CPNE9: variants seen among roughly 807,000 people sequenced by gnomAD.
CPNE9 encodes copine family member 9.
A neutral mutation model predicts 83.0 loss-of-function variants in CPNE9; 59 were observed. The observed-to-expected ratio is 0.71, with a 90% CI of 0.58 to 0.88. CPNE9 has a LOEUF of 0.88. Ranked by LOEUF, CPNE9 falls within the 40% of genes least tolerant of loss-of-function variation. CPNE9 has a pLI of 0.00. For missense variants in CPNE9, 619 were observed against 720.8 expected (o/e 0.86, Z 1.62); for synonymous variants, 256 against 273.4 (o/e 0.94, Z 0.63).
Position 9,717,252 on chromosome 3 carries a change from G to A in CPNE9, c.931+148G>A, listed in dbSNP as rs1381474657. 50 of 754,468 alleles carry A rather than the reference G, an allele frequency of 6.6e-5. No homozygotes were observed. The Admixed American group carries it at 9.2e-4, about 14-fold the overall frequency. 46.7% of individuals were successfully genotyped at this position (754,468 alleles called of 1,614,324 possible). A position where few individuals can be genotyped will look rare whatever the true frequency, so the allele number is the denominator to read the frequency against. On this transcript the variant is annotated intron_variant, in intron 15 of 20. Transcript: ENST00000383832. The stretch of plus-strand genomic sequence containing the variant: ...CAAAACCCAGCCAGGAAAATAGAGT[G>A]CAGAAAAATAGATGGGTAGATGGAT...
intron 7 of CPNE9, among the ~76,000 whole-genome samples, chr3:9,710,029 T>C (rs892541008): frequency 1.4e-5 from 2 of 145,670 alleles, no homozygotes; most frequent in African/African-American, 5.1e-5. Context: ...TAACATGAGA[T>C]AAATTATACT....
At chr3:9,724,452 C>G (rs184639848) in intron 17 of CPNE9, among the ~76,000 whole-genome samples, 3 of 152,160 alleles carry the variant, frequency 2.0e-5, no homozygotes, top group Admixed American at 6.5e-5. Flanking sequence ...CCTTTGCTCT[C>G]GCTCATATAT....
In CPNE9 at chr3:9,705,447, T is replaced by C; in HGVS notation, c.261-17T>C. 2.6e-6 allele frequency: 2 copies of C among 758,422 alleles called. No individual in the cohort carries two copies. Among genetic ancestry groups the C allele is most frequent in the Non-Finnish European group, 4.0e-6 (2 of 497,246 alleles). The allele number at this position is 758,422 out of a possible 1,614,324, so 47.0% of individuals were successfully genotyped here. ...CCCACCCAGCCCCACCCCACACCGG[T>C]TCCACTCTTTTCCCAGGTACAACGT... is the stretch of plus-strand genomic sequence containing the variant. On this transcript the variant is annotated splice_polypyrimidine_tract_variant and intron_variant, in intron 4 of 20. Coordinates refer to ENST00000383832, the MANE Select transcript of CPNE9 (RefSeq NM_153635.3).
chr3:9,712,534 C>T lies in CPNE9; in HGVS notation c.378-7C>T. ...TCCTCTCACTAAGAGGCTTTTTCTG[C>T]TTCCAGGGGTGTACCAGGCAAGAAG... is the stretch of plus-strand genomic sequence containing the variant. On this transcript the variant is annotated splice_polypyrimidine_tract_variant and splice_region_variant and intron_variant, in intron 7 of 20. Coordinates refer to ENST00000383832, the MANE Select transcript of CPNE9 (RefSeq NM_153635.3). 1 of 1,613,746 alleles carries T rather than the reference C, an allele frequency of 6.2e-7. No individual in the cohort carries two copies. Among genetic ancestry groups the T allele is most frequent in the Non-Finnish European group, 8.5e-7 (1 of 1,179,626 alleles).
Position 9,704,667 on chromosome 3 carries a change from G to C in CPNE9, c.109+40G>C, listed in dbSNP as rs1293174345. ...GACCGGGAGGGGGAACTTGGGGTCT[G>C]GGCGCGACTCAGGGGCGGGTGGAGT... On this transcript the variant is annotated intron_variant, in intron 2 of 20. Transcript: ENST00000383832. This position sits in a 1 kb window ranked among gnomAD's most constrained non-coding sequence, Gnocchi z 7.1. 2.5e-6 allele frequency: 4 copies of C among 1,612,644 alleles called. No individual in the cohort carries two copies. Among genetic ancestry groups the C allele is most frequent in the Non-Finnish European group, 3.4e-6 (4 of 1,178,736 alleles).
chr3:9,706,779 A>G (rs988797966), intron 7 of CPNE9, among the ~76,000 whole-genome samples: 2 of 152,222 alleles, frequency 1.3e-5, no homozygotes, highest in Non-Finnish European at 2.9e-5. Context: ...ACTTTGGAGC[A>G]ACAACCTGAG....
At chr3:9,707,082 G>T (rs184347526) in intron 7 of CPNE9, among the ~76,000 whole-genome samples, 13 of 152,160 alleles carry the variant, frequency 8.5e-5, no homozygotes, top group South Asian at 2.1e-4. Context: ...GGCCAGGCGC[G>T]GTGGCTCACA....
chr3:9,718,663 C>A, intron 17 of CPNE9, 61 bp downstream of exon 17: 1 of 1,571,414 alleles, frequency 6.4e-7, no homozygotes, highest in Non-Finnish European at 8.7e-7. Flanking sequence ...ATTGACCCCC[C>A]AAGGATAGTC....
At chr3:9,726,591 G>A (rs2076786926) in intron 18 of CPNE9, 74 bp from the exon 19 acceptor site, 3 of 1,168,620 alleles carry the variant, frequency 2.6e-6, no homozygotes, top group Non-Finnish European at 2.6e-6. Context: ...CACATACACA[G>A]AGAACTGTCT....
chr3:9,727,216 C>G (rs761794728), intron 20 of CPNE9, 30 bp downstream of exon 20: 1 of 1,612,426 alleles, frequency 6.2e-7, no homozygotes, highest in Non-Finnish European at 8.5e-7. Flanking sequence ...GGCTGTGGAG[C>G]TGAGAGGCAC....
At chr3:9,709,659 C>T (rs1252452793) in intron 7 of CPNE9, among the ~76,000 whole-genome samples, 2 of 151,928 alleles carry the variant, frequency 1.3e-5, no homozygotes, top group East Asian at 2.0e-4. Context: ...TGAGCTGCCA[C>T]GCCTAGCCAA....
At chr3:9,727,734 C>A (rs1019866287) in intron 20 of CPNE9, among the ~76,000 whole-genome samples, 1 of 152,124 alleles carries the variant, frequency 6.6e-6, no homozygotes, top group Non-Finnish European at 1.5e-5. Context: ...TTGGAAAGCT[C>A]TTGAAGGATT....
At chr3:9,713,232 C>T (rs938593826) in intron 10 of CPNE9, among the ~76,000 whole-genome samples, 153 bp downstream of exon 10, 3 of 152,162 alleles carry the variant, frequency 2.0e-5, no homozygotes, top group African/African-American at 7.2e-5. Context: ...GATGGACAGG[C>T]AGATGGATAG....
intron 17 of CPNE9, among the ~76,000 whole-genome samples, chr3:9,722,513 T>C (rs1201934859): frequency 6.6e-6 from 1 of 151,636 alleles, no homozygotes; most frequent in Non-Finnish European, 1.5e-5. Flanking sequence ...CTTCTACAGT[T>C]CTTTTTTTTT....
chr3:9,709,785 T>A (rs1317206927), intron 7 of CPNE9, among the ~76,000 whole-genome samples: 1 of 148,014 alleles, frequency 6.8e-6, no homozygotes, highest in Admixed American at 6.7e-5. Context: ...AGGTCAGGAG[T>A]TCAAGACCAG....
At chr3:9,726,378 A>G (rs1483675861) in intron 18 of CPNE9, among the ~76,000 whole-genome samples, 3 of 152,156 alleles carry the variant, frequency 2.0e-5, no homozygotes, top group African/African-American at 7.2e-5. Context: ...AATGGACAGT[A>G]AGCATGCTTG....
chr3:9,711,973 T>G (rs1323647030), intron 7 of CPNE9, among the ~76,000 whole-genome samples: 5 of 152,134 alleles, frequency 3.3e-5, no homozygotes, highest in African/African-American at 1.2e-4. Context: ...ACTTACCTAT[T>G]GGCATTGACA....
At chr3:9,708,379 A>G (rs1309484347) in intron 7 of CPNE9, among the ~76,000 whole-genome samples, 1 of 152,244 alleles carries the variant, frequency 6.6e-6, no homozygotes, top group Non-Finnish European at 1.5e-5. Context: ...CACAAATTGG[A>G]CCTAGAAAAG....
Position 9,729,612 on chromosome 3 carries a change from T to C in CPNE9, c.1582T>C (p.Tyr528His). The change falls in exon 21 of 21, where the codon TAT becomes CAT. Residue 528 changes from tyrosine (Y) to histidine (H), a missense_variant. Tyr to His is a moderately conservative substitution (Grantham distance 83, BLOSUM62 2). Around this residue, in one of 3 missense-constraint regions of CPNE9, gnomAD observed 51 missense variants for 40.4 expected, o/e 1.26. Transcript: ENST00000383832. ...LAEIPEQLLS[Y>H]MRTRDIQPRP... is the part of the protein sequence containing the mutation. ...CGAGATCCCGGAGCAGCTGCTGTCC[T>C]ATATGCGCACCAGAGACATCCAGCC... 7 of 1,614,146 alleles carry C rather than the reference T, an allele frequency of 4.3e-6. No homozygotes were observed. Among genetic ancestry groups the C allele is most frequent in the Non-Finnish European group, 4.2e-6 (5 of 1,180,016 alleles).
Sources: gnomAD v4.1 joint callset for allele counts (sites outside exome capture counted in the v4.1 genomes callset) on GRCh38, gnomAD v4.1.1 for gene constraint, gnomAD v4.1.1 regional missense constraint, Gnocchi (gnomAD v3.1) non-coding constraint, MANE v1.5 for transcripts, NCBI Gene and HGNC (gene_info 2026-07-23, HGNC 2026-07-21) for gene names.